RIMS2: variants seen among roughly 807,000 people sequenced by gnomAD.
RIMS2 encodes the protein regulating synaptic membrane exocytosis 2.
In RIMS2, 59 loss-of-function variants were observed where a neutral mutation model predicts 174.4. That is an observed-to-expected ratio of 0.34 (90% confidence interval 0.27 to 0.42). RIMS2 has a LOEUF of 0.42. Ranked by LOEUF, RIMS2 falls within the 10% of genes least tolerant of loss-of-function variation. The pLI, the probability that RIMS2 is intolerant of heterozygous loss-of-function variation, is 1.00. For synonymous variants in RIMS2, 606 were observed against 572.5 expected, an observed-to-expected ratio of 1.06 and a Z score of -0.84; for missense variants, 1,620 against 1,666.3, an observed-to-expected ratio of 0.97 and a Z score of 0.48.
At chr8:103,751,614 TC>T (rs2097892650) in intron 2 of RIMS2, among the ~76,000 whole-genome samples, 1 of 151,282 alleles carries the variant, frequency 6.6e-6, no homozygotes, top group Non-Finnish European at 1.5e-5. Flanking sequence ...ACCTGTTGTT[TC>T]CTGACTTTTT....
intron 12 of RIMS2, among the ~76,000 whole-genome samples, chr8:103,933,288 G>GAC (rs55909886): frequency 0.12 from 14,446 of 119,178 alleles, 1,058 homozygotes; most frequent in Admixed American, 0.2. Flanking sequence ...TCGAGACTCT[G>GAC]ACACACACAC....
At chr8:103,731,198 A>G (rs191110621) in intron 2 of RIMS2, among the ~76,000 whole-genome samples, 8 of 152,310 alleles carry the variant, frequency 5.3e-5, no homozygotes, top group Admixed American at 1.3e-4. Flanking sequence ...GGGTGGGGAC[A>G]CAGCCAAACC....
chr8:103,556,430 A>G (rs1468564098), intron 1 of RIMS2, among the ~76,000 whole-genome samples: 1 of 152,200 alleles, frequency 6.6e-6, no homozygotes, highest in Non-Finnish European at 1.5e-5. Context: ...CCCTTTTACA[A>G]GTTATCTCAT....
At chr8:104,033,239 G>A (rs1055582595) in intron 19 of RIMS2, among the ~76,000 whole-genome samples, 4 of 151,782 alleles carry the variant, frequency 2.6e-5, no homozygotes, top group Admixed American at 6.6e-5. Flanking sequence ...GGAAAATAGT[G>A]ATTAGCTTAA....
At chr8:103,847,956 A>C (rs2098976358) in intron 3 of RIMS2, among the ~76,000 whole-genome samples, 1 of 151,988 alleles carries the variant, frequency 6.6e-6, no homozygotes, top group Middle Eastern at 3.4e-3. Flanking sequence ...TGGTTATTTA[A>C]TACCTCTTGT....
chr8:103,742,554 C>G (rs1299193139), intron 2 of RIMS2, among the ~76,000 whole-genome samples: 1 of 152,116 alleles, frequency 6.6e-6, no homozygotes, highest in Non-Finnish European at 1.5e-5. Flanking sequence ...ACTTTTGTAG[C>G]AGACGCAATA....
At chr8:103,881,908 A>G (rs532124685) in intron 3 of RIMS2, among the ~76,000 whole-genome samples, 32 of 151,620 alleles carry the variant, frequency 2.1e-4, no homozygotes, top group Admixed American at 4.6e-4. Context: ...TGATATTATA[A>G]CAGAAATAAG....
intron 4 of RIMS2, among the ~76,000 whole-genome samples, chr8:103,909,730 T>C (rs188517631): frequency 1.3e-5 from 2 of 152,156 alleles, no homozygotes; most frequent in East Asian, 1.9e-4. Context: ...CCCTTAATCT[T>C]TGGAGAACAA....
At chr8:103,832,496 T>A (rs1415253784) in intron 3 of RIMS2, among the ~76,000 whole-genome samples, 1 of 152,188 alleles carries the variant, frequency 6.6e-6, no homozygotes, top group Non-Finnish European at 1.5e-5. Flanking sequence ...TTAAGCCTAG[T>A]ACTCATTAGT....
chr8:104,097,923 A>G (rs2097790896), intron 19 of RIMS2, among the ~76,000 whole-genome samples: 1 of 152,160 alleles, frequency 6.6e-6, no homozygotes, highest in South Asian at 2.1e-4. Flanking sequence ...ACCTAATATG[A>G]AGGAAAAAAA....
chr8:103,547,959 A>G (rs1308977430), intron 1 of RIMS2, among the ~76,000 whole-genome samples: 2 of 152,208 alleles, frequency 1.3e-5, no homozygotes, highest in African/African-American at 2.4e-5. Context: ...AGATTGAACC[A>G]GGAAGAAACT....
intron 1 of RIMS2, among the ~76,000 whole-genome samples, chr8:103,616,024 G>T (rs1213827210): frequency 6.6e-6 from 1 of 152,108 alleles, no homozygotes; most frequent in Non-Finnish European, 1.5e-5. Context: ...ATTCTATGAG[G>T]CCAGCATCAT....
chr8:103,920,624 A>G, intron 9 of RIMS2: 1 of 456,826 alleles, frequency 2.2e-6, no homozygotes, highest in Non-Finnish European at 4.4e-6. Flanking sequence ...TACATCTCCC[A>G]TTGGATGTCC....
At chr8:104,130,327 G>A (rs967154802) in intron 19 of RIMS2, among the ~76,000 whole-genome samples, 9 of 152,194 alleles carry the variant, frequency 5.9e-5, no homozygotes, top group African/African-American at 2.2e-4. Flanking sequence ...CAGTCCTGCT[G>A]CATAACCGCT....
At chr8:104,207,783 A>G (rs764546218) in intron 19 of RIMS2, among the ~76,000 whole-genome samples, 3 of 151,536 alleles carry the variant, frequency 2.0e-5, no homozygotes, top group Non-Finnish European at 4.4e-5. Flanking sequence ...ATTGCACTAC[A>G]GTCTGGACAA....
intron 3 of RIMS2, among the ~76,000 whole-genome samples, chr8:103,859,617 TG>T (rs2099047899): frequency 6.6e-6 from 1 of 151,782 alleles, no homozygotes. Flanking sequence ...TTTCCATTTG[TG>T]GGGTGGAAAG....
chr8:103,814,121 A>G (rs1312955466), intron 3 of RIMS2, among the ~76,000 whole-genome samples: 1 of 152,192 alleles, frequency 6.6e-6, no homozygotes, highest in African/African-American at 2.4e-5. Flanking sequence ...GCTAGAGGTC[A>G]TTATTCATAG....
At chr8:104,192,356 T>A (rs1239910887) in intron 19 of RIMS2, among the ~76,000 whole-genome samples, 1 of 152,142 alleles carries the variant, frequency 6.6e-6, no homozygotes, top group Non-Finnish European at 1.5e-5. Context: ...TGACAGCATT[T>A]GTGGCTAAGA....
chr8:103,582,034 A>G (rs961590066), intron 1 of RIMS2, among the ~76,000 whole-genome samples: 4 of 152,150 alleles, frequency 2.6e-5, no homozygotes, highest in African/African-American at 4.8e-5. Context: ...CTTTCTTCCA[A>G]TTGAGGAGAG....
Sources: gnomAD v4.1 joint callset for allele counts (sites outside exome capture counted in the v4.1 genomes callset) on GRCh38, gnomAD v4.1.1 for gene constraint, MANE v1.5 for transcripts, NCBI Gene and HGNC (gene_info 2026-07-23, HGNC 2026-07-21) for gene names.